Variants in KMT2C observed in about 807,000 individuals in gnomAD.
KMT2C encodes the protein histone-lysine N-methyltransferase 2C.
A neutral mutation model predicts 507.9 loss-of-function variants in KMT2C; 88 were observed. The ratio of observed to expected loss-of-function variants is 0.17; its 90% CI spans 0.15 to 0.21. KMT2C has a LOEUF of 0.21. Among genes scored for constraint, KMT2C ranks in the 10% least tolerant of loss-of-function variants. The pLI is 1.00. For synonymous variants in KMT2C, 2,049 were observed against 2,080.8 expected, an observed-to-expected ratio of 0.98 and a Z score of 0.42; for missense variants, 4,954 against 5,957.8, an observed-to-expected ratio of 0.83 and a Z score of 5.55.
intron 14 of KMT2C, among the ~76,000 whole-genome samples, chr7:152,241,941 GAC>G (rs1412564937): frequency 6.6e-6 from 1 of 152,022 alleles, no homozygotes; most frequent in African/African-American, 2.4e-5. Flanking sequence ...TCAAAAAGAA[GAC>G]AGACTTTGTG....
At chr7:152,329,239 G>C (rs2096857970) in intron 3 of KMT2C, among the ~76,000 whole-genome samples, 1 of 152,036 alleles carries the variant, frequency 6.6e-6, no homozygotes, top group Non-Finnish European at 1.5e-5. Flanking sequence ...GGAGTGAGAT[G>C]TCCCAAAAGC....
intron 39 of KMT2C, among the ~76,000 whole-genome samples, chr7:152,172,837 AATAG>A (rs1344050562): frequency 2.0e-5 from 3 of 152,222 alleles, no homozygotes; most frequent in Admixed American, 6.5e-5. Flanking sequence ...GCAGGCACCT[AATAG>A]ATTAGTTATG....
intron 27 of KMT2C, among the ~76,000 whole-genome samples, chr7:152,198,429 G>C (rs2094029492): frequency 6.6e-6 from 1 of 152,114 alleles, no homozygotes; most frequent in African/African-American, 2.4e-5. Flanking sequence ...TTTTCAAAAT[G>C]AGTTTATAAA....
At chr7:152,225,151 A>G (rs1012696041) in intron 18 of KMT2C, among the ~76,000 whole-genome samples, 13 of 152,302 alleles carry the variant, frequency 8.5e-5, no homozygotes, top group East Asian at 1.9e-4. Flanking sequence ...TCTCAAGGGT[A>G]TAAGTTAGTA....
chr7:152,318,663 G>A (rs1395572648), intron 3 of KMT2C, among the ~76,000 whole-genome samples: 1 of 148,004 alleles, frequency 6.8e-6, no homozygotes, highest in African/African-American at 2.5e-5. Flanking sequence ...TGCAAAAAAT[G>A]TTGGAAGTAT....
chr7:152,151,129 A>C, intron 50 of KMT2C, 122 bp from the exon 51 acceptor site: 1 of 664,292 alleles, frequency 1.5e-6, no homozygotes, highest in Non-Finnish European at 2.5e-6. Flanking sequence ...TAATAGTAGA[A>C]AGGAAACTAT....
At chr7:152,367,173 G>A (rs957787201) in intron 1 of KMT2C, 5 of 1,470,080 alleles carry the variant, frequency 3.4e-6, no homozygotes, top group Non-Finnish European at 4.7e-6. Flanking sequence ...TTCCAAGGAT[G>A]GTCTCCCACT....
chr7:152,352,168 T>C (rs2097116576), intron 2 of KMT2C, among the ~76,000 whole-genome samples: 1 of 152,210 alleles, frequency 6.6e-6, no homozygotes. Flanking sequence ...GGCTGTCTTT[T>C]ATGGTCGAGC....
intron 6 of KMT2C, among the ~76,000 whole-genome samples, chr7:152,279,147 A>G (rs1342379767): frequency 6.6e-6 from 1 of 152,192 alleles, no homozygotes; most frequent in African/African-American, 2.4e-5. Flanking sequence ...AATACAATAA[A>G]AATTAGAAAT....
chr7:152,348,463 G>C (rs1278273264), intron 2 of KMT2C, among the ~76,000 whole-genome samples: 1 of 151,078 alleles, frequency 6.6e-6, no homozygotes, highest in Non-Finnish European at 1.5e-5. Context: ...GCCAGGCATG[G>C]TGGCAGGTGC....
rs200902814 is a variant in KMT2C at position 152,162,680 on chromosome 7, G to A, written c.10897C>T (p.Pro3633Ser). ...STPHSDITAP[P>S]TPGISETTST... ...GTAGTTTCTGAGATGCCTGGAGTCG[G>A]TGGGGCAGTTATATCTGAATGGGGA... Residue 3633 changes from proline (P) to serine (S), a missense_variant, in exon 43 of 59, where the codon CCG becomes TCG. Physicochemically the swap from Pro to Ser is moderately conservative, Grantham distance 74. Coordinates refer to ENST00000262189, the MANE Select transcript of KMT2C (RefSeq NM_170606.3). 210 of 1,614,100 alleles carry A rather than the reference G, an allele frequency of 1.3e-4. No individual in the cohort carries two copies. The highest frequency in any genetic ancestry group is 3.2e-4 in the Admixed American group (19 of 60,000).
intron 1 of KMT2C, among the ~76,000 whole-genome samples, chr7:152,379,523 G>A (rs1045873723): frequency 2.6e-5 from 4 of 151,638 alleles, no homozygotes; most frequent in Non-Finnish European, 5.9e-5. Flanking sequence ...AGGCGACAGA[G>A]TAAGACTCTG....
At chr7:152,160,627 T>TA (rs1563190830) in intron 43 of KMT2C, among the ~76,000 whole-genome samples, 38 of 145,540 alleles carry the variant, frequency 2.6e-4, no homozygotes, top group African/African-American at 8.4e-4. Flanking sequence ...ATATATATAT[T>TA]TATATATTTA....
intron 1 of KMT2C, among the ~76,000 whole-genome samples, chr7:152,359,498 G>C (rs768642423): frequency 2.0e-5 from 3 of 152,112 alleles, no homozygotes; most frequent in Non-Finnish European, 4.4e-5. Context: ...GGCTGGGTAA[G>C]GTGGCTCACA....
rs751782701 is a variant in KMT2C, at chr7:152,238,830, G to C, written c.2533-4C>G. The C allele has an allele frequency of 6.3e-7, 1 of 1,588,456 alleles. No homozygotes were observed. The highest frequency in any genetic ancestry group is 1.8e-5 in the Admixed American group (1 of 54,740). ...TATTATGGGTACTCCAAGCCCCCTA[G>C]GATATGGCAGTTGAGAAAATAGATG... On this transcript the variant is annotated splice_region_variant and splice_polypyrimidine_tract_variant and intron_variant, in intron 14 of 58. Transcript: ENST00000262189.
At chr7:152,212,072 AGAGAC>A (rs1429399029) in intron 23 of KMT2C, among the ~76,000 whole-genome samples, 1 of 152,156 alleles carries the variant, frequency 6.6e-6, no homozygotes, top group African/African-American at 2.4e-5. Context: ...AGAGAAGAGA[AGAGAC>A]GAGACGAGGA....
chr7:152,361,119 C>T (rs2097193550), intron 1 of KMT2C, among the ~76,000 whole-genome samples: 1 of 151,920 alleles, frequency 6.6e-6, no homozygotes, highest in Non-Finnish European at 1.5e-5. Flanking sequence ...CTTCAAACTT[C>T]ACAGGGGGAA....
chr7:152,219,222 G>A (rs747227134), intron 23 of KMT2C, among the ~76,000 whole-genome samples: 2 of 151,986 alleles, frequency 1.3e-5, no homozygotes, highest in Non-Finnish European at 2.9e-5. Flanking sequence ...TACCTACCTC[G>A]GCCTCCCAAA....
At chr7:152,426,981 C>G (rs1744947813) in intron 1 of KMT2C, among the ~76,000 whole-genome samples, 1 of 151,898 alleles carries the variant, frequency 6.6e-6, no homozygotes, top group Non-Finnish European at 1.5e-5. Flanking sequence ...TAAATGTATA[C>G]TGAAAGAATA....
Sources: allele counts gnomAD v4.1 joint callset (sites outside exome capture counted in the v4.1 genomes callset), GRCh38; gene constraint gnomAD v4.1.1; transcripts MANE v1.5; gene names NCBI Gene and HGNC (gene_info 2026-07-23, HGNC 2026-07-21).